The following GSK3B variants were observed in gnomAD, a reference collection of about 807,000 sequenced individuals.
The protein encoded by GSK3B is glycogen synthase kinase-3 beta.
In GSK3B, 15 loss-of-function variants were observed where a neutral mutation model predicts 56.4. The ratio of observed to expected loss-of-function variants is 0.27; its 90% CI spans 0.18 to 0.41. The LOEUF is 0.41. Among genes scored for constraint, GSK3B ranks in the 10% least tolerant of loss-of-function variants. The probability of loss-of-function intolerance (pLI) is 1.00; values close to 1 mark genes in which losing one functional copy is unlikely to be tolerated. For synonymous variants in GSK3B, 181 were observed against 188.9 expected (o/e 0.96, Z 0.34); for missense variants, 300 against 513.4 (o/e 0.58, Z 4.02).
intron 7 of GSK3B, among the ~76,000 whole-genome samples, chr3:119,889,547 CA>C (rs1417895860): frequency 2.0e-5 from 3 of 151,578 alleles, no homozygotes; most frequent in Non-Finnish European, 4.4e-5. Context: ...TCTAAAAATG[CA>C]ACAAGGAGGT....
intron 2 of GSK3B, among the ~76,000 whole-genome samples, chr3:119,970,432 A>T (rs2107514582): frequency 6.6e-6 from 1 of 152,238 alleles, no homozygotes; most frequent in Admixed American, 6.5e-5. Flanking sequence ...AATTAAAGAG[A>T]CTGACTAAAC....
At chr3:119,921,626 A>C (rs1420956709) in intron 4 of GSK3B, among the ~76,000 whole-genome samples, 9 of 152,248 alleles carry the variant, frequency 5.9e-5, no homozygotes, top group Admixed American at 5.9e-4. Flanking sequence ...CTTTAGCAAC[A>C]AAGTTCAAGA....
chr3:119,866,702 AATATATCCAATGTT>A, intron 8 of GSK3B: 1 of 895,900 alleles, frequency 1.1e-6, no homozygotes, highest in Non-Finnish European at 1.8e-6. Context: ...AGCAAGGAAA[AATATATCCAATGTT>A]ATAAGAAATC....
intron 1 of GSK3B, among the ~76,000 whole-genome samples, chr3:120,021,546 T>TAGGAAC (rs141299226): frequency 1.3e-5 from 2 of 151,030 alleles, no homozygotes; most frequent in Admixed American, 1.3e-4. Context: ...TCATGATTCA[T>TAGGAAC]AGGAACAGGA....
intron 1 of GSK3B, among the ~76,000 whole-genome samples, chr3:120,057,409 A>C (rs544891590): frequency 1.3e-5 from 2 of 152,296 alleles, no homozygotes; most frequent in South Asian, 4.1e-4. Context: ...ACTCTATCCT[A>C]ATCAGATAAG....
chr3:119,877,486 T>G (rs28366921), intron 7 of GSK3B, among the ~76,000 whole-genome samples: 2,767 of 152,282 alleles, frequency 0.018, 91 homozygotes, highest in African/African-American at 0.063. Flanking sequence ...ATTTTTAAAT[T>G]GTTATTTTCT....
At chr3:120,019,461 C>A (rs1318695801) in intron 1 of GSK3B, among the ~76,000 whole-genome samples, 2 of 152,176 alleles carry the variant, frequency 1.3e-5, no homozygotes, top group African/African-American at 4.8e-5. Context: ...TCCCTTAAAC[C>A]TGCATTATTT....
intron 1 of GSK3B, among the ~76,000 whole-genome samples, chr3:120,072,383 A>G (rs1181414967): frequency 6.6e-6 from 1 of 152,136 alleles, no homozygotes; most frequent in African/African-American, 2.4e-5. Context: ...CACAGCGAAC[A>G]CCATGGTAGT....
chr3:120,009,717 A>G (rs1412109067), intron 1 of GSK3B, among the ~76,000 whole-genome samples: 1 of 152,130 alleles, frequency 6.6e-6, no homozygotes, highest in African/African-American at 2.4e-5. Context: ...GAGACATAAC[A>G]TTAGGAGAAA....
At chr3:120,006,678 G>A (rs1017902435) in intron 1 of GSK3B, among the ~76,000 whole-genome samples, 2 of 152,100 alleles carry the variant, frequency 1.3e-5, no homozygotes, top group African/African-American at 4.8e-5. Context: ...GGTAAATAAC[G>A]AAATTAAGAC....
chr3:119,997,649 T>C (rs544269526), intron 2 of GSK3B, among the ~76,000 whole-genome samples: 16 of 152,320 alleles, frequency 1.1e-4, no homozygotes, highest in Non-Finnish European at 2.1e-4. Context: ...GCTGATGATA[T>C]TTGATACACA....
At chr3:119,916,547 A>C (rs891525765) in intron 4 of GSK3B, among the ~76,000 whole-genome samples, 1 of 152,206 alleles carries the variant, frequency 6.6e-6, no homozygotes, top group Non-Finnish European at 1.5e-5. Flanking sequence ...ATGAATAATC[A>C]GTAACTTTGG....
At chr3:120,055,807 G>C (rs2058187322) in intron 1 of GSK3B, among the ~76,000 whole-genome samples, 1 of 152,102 alleles carries the variant, frequency 6.6e-6, no homozygotes, top group Non-Finnish European at 1.5e-5. Context: ...GGAGAGGGTA[G>C]GCAGGAGAGG....
At chr3:120,030,989 C>G (rs2057970839) in intron 1 of GSK3B, among the ~76,000 whole-genome samples, 1 of 152,206 alleles carries the variant, frequency 6.6e-6, no homozygotes, top group Admixed American at 6.5e-5. Context: ...AAACTCTGTT[C>G]AATACACTAT....
intron 2 of GSK3B, among the ~76,000 whole-genome samples, chr3:119,978,350 A>C (rs1484460876): frequency 1.3e-5 from 2 of 152,218 alleles, no homozygotes; most frequent in Non-Finnish European, 2.9e-5. Context: ...GCTTGTGATA[A>C]GCCCCCTCGC....
Position 119,867,164 on chromosome 3 carries a change from A to G in GSK3B, c.910-3559T>C, listed in dbSNP as rs138885171. Among the ~76,000 whole-genome samples, 315 of 152,336 alleles carry G rather than the reference A, an allele frequency of 2.1e-3. 5 individuals carry two copies. Among genetic ancestry groups the G allele is most frequent in the East Asian group, 0.012 (63 of 5,188 alleles). ...AAGTTATTAGTGATGAGAGGAAAGT[A>G]ATAAATATATTTAAGTTATATTACT... On this transcript the variant is annotated intron_variant, in intron 8 of 10. Coordinates refer to ENST00000264235, the MANE Select transcript of GSK3B (RefSeq NM_001146156.2).
At chr3:119,988,952 C>T (rs780601278) in intron 2 of GSK3B, among the ~76,000 whole-genome samples, 6 of 152,132 alleles carry the variant, frequency 3.9e-5, no homozygotes, top group Non-Finnish European at 8.8e-5. Flanking sequence ...CATAGCACAC[C>T]TGTTGTTAAA....
At chr3:120,032,320 CAA>C (rs2057983592) in intron 1 of GSK3B, among the ~76,000 whole-genome samples, 1 of 151,828 alleles carries the variant, frequency 6.6e-6, no homozygotes, top group South Asian at 2.1e-4. Flanking sequence ...ACTAAAAATA[CAA>C]AAATTAGCCA....
chr3:120,057,059 C>T (rs150308251), intron 1 of GSK3B, among the ~76,000 whole-genome samples: 1,627 of 152,250 alleles, frequency 0.011, 32 homozygotes, highest in African/African-American at 0.036. Context: ...GCATGAGAAT[C>T]GCTTGAACCC....
Sources: gnomAD v4.1 joint callset for allele counts (sites outside exome capture counted in the v4.1 genomes callset) on GRCh38, gnomAD v4.1.1 for gene constraint, MANE v1.5 for transcripts, NCBI Gene and HGNC (gene_info 2026-07-23, HGNC 2026-07-21) for gene names.